The following PGCKA1 variants were observed in gnomAD, a reference collection of about 807,000 sequenced individuals.
The protein encoded by PGCKA1 is PDCD10 and GCKIII kinases associated 1.
chr4:37,558,354 A>G, the PGCKA1 span, among the ~76,000 whole-genome samples: 1 of 152,114 alleles, frequency 6.6e-6, no homozygotes, highest in Non-Finnish European at 1.5e-5. Context: ...ATTTCCAGTT[A>G]ATCTATCCCC....
the PGCKA1 span, among the ~76,000 whole-genome samples, chr4:37,493,454 T>A: frequency 6.6e-6 from 1 of 152,244 alleles, no homozygotes; most frequent in South Asian, 2.1e-4. Flanking sequence ...TGGTATCTGC[T>A]TTATCCATGG....
chr4:37,456,034 A>G, the PGCKA1 span, among the ~76,000 whole-genome samples: 148 of 152,264 alleles, frequency 9.7e-4, no homozygotes, highest in Admixed American at 5.8e-3. Context: ...ACTAGTACCT[A>G]TGTCCTGCTT....
chr4:37,463,650 T>C, the PGCKA1 span, among the ~76,000 whole-genome samples: 1 of 152,016 alleles, frequency 6.6e-6, no homozygotes, highest in Non-Finnish European at 1.5e-5. Context: ...CAGGGCTAAA[T>C]TGTGGCGCTG....
chr4:37,497,748 T>A, the PGCKA1 span, among the ~76,000 whole-genome samples: 1 of 152,166 alleles, frequency 6.6e-6, no homozygotes, highest in Non-Finnish European at 1.5e-5. Context: ...TTCTTACTGA[T>A]TTGTTTGAGT....
the PGCKA1 span, among the ~76,000 whole-genome samples, chr4:37,495,211 A>T: frequency 1.3e-5 from 2 of 152,112 alleles, no homozygotes; most frequent in Admixed American, 6.5e-5. Context: ...AATGGCGATC[A>T]TTCTTAAAAA....
chr4:37,468,030 A>G, the PGCKA1 span, among the ~76,000 whole-genome samples: 2 of 152,220 alleles, frequency 1.3e-5, no homozygotes, highest in Non-Finnish European at 1.5e-5. Context: ...ATGCTGGGGA[A>G]ATGAACTTTG....
chr4:37,589,008 T>G, the PGCKA1 span: 1 of 788,024 alleles, frequency 1.3e-6, no homozygotes, highest in African/African-American at 1.7e-5. Flanking sequence ...TGGGGCATGA[T>G]CAACATTGCC....
At chr4:37,496,785 T>C in the PGCKA1 span, among the ~76,000 whole-genome samples, 1 of 152,192 alleles carries the variant, frequency 6.6e-6, no homozygotes, top group Non-Finnish European at 1.5e-5. Flanking sequence ...AGCAGTTTTT[T>C]ATAGTTTTCA....
the PGCKA1 span, among the ~76,000 whole-genome samples, chr4:37,490,805 C>T: frequency 6.6e-6 from 1 of 152,036 alleles, no homozygotes; most frequent in Non-Finnish European, 1.5e-5. Context: ...GACTCTACTC[C>T]CAGTTACCAG....
the PGCKA1 span, among the ~76,000 whole-genome samples, chr4:37,475,210 T>G: frequency 6.6e-6 from 1 of 152,208 alleles, no homozygotes; most frequent in Non-Finnish European, 1.5e-5. Context: ...GAGTGCCTTT[T>G]AAGAAATAAA....
chr4:37,513,086 T>C, the PGCKA1 span, among the ~76,000 whole-genome samples: 1 of 98,442 alleles, frequency 1.0e-5, no homozygotes, highest in African/African-American at 4.5e-5. Context: ...TGAAATGCCA[T>C]CTCAAAAAAA....
At chr4:37,561,222 G>C in the PGCKA1 span, among the ~76,000 whole-genome samples, 1 of 152,060 alleles carries the variant, frequency 6.6e-6, no homozygotes, top group Non-Finnish European at 1.5e-5. Context: ...CTTCCTCTCT[G>C]AGCATTCTTC....
chr4:37,506,276 A>G, the PGCKA1 span, among the ~76,000 whole-genome samples: 2 of 151,300 alleles, frequency 1.3e-5, no homozygotes, highest in Admixed American at 1.3e-4. Context: ...CTTCAACTTC[A>G]TTTATTTCTG....
chr4:37,509,157 A>G, the PGCKA1 span, among the ~76,000 whole-genome samples: 1 of 150,358 alleles, frequency 6.7e-6, no homozygotes, highest in Non-Finnish European at 1.5e-5. Context: ...CAAAACTGCC[A>G]TCGTCATCAT....
chr4:37,572,893 A>AT, the PGCKA1 span, among the ~76,000 whole-genome samples: 1,250 of 152,260 alleles, frequency 8.2e-3, 20 homozygotes, highest in African/African-American at 0.028. Flanking sequence ...TGGATTTTGG[A>AT]TTTTTGGATT....
chr4:37,561,093 T>C, the PGCKA1 span, among the ~76,000 whole-genome samples: 1 of 152,098 alleles, frequency 6.6e-6, no homozygotes, highest in East Asian at 1.9e-4. Context: ...ACCAACAACC[T>C]CCTTGATATG....
At chr4:37,584,977 C>T in the PGCKA1 span, among the ~76,000 whole-genome samples, 1 of 142,656 alleles carries the variant, frequency 7.0e-6, no homozygotes, top group Non-Finnish European at 1.5e-5. Flanking sequence ...TCAAACAGTT[C>T]TAAGCTCTTT....
chr4:37,564,583 T>C, the PGCKA1 span, among the ~76,000 whole-genome samples: 2 of 152,098 alleles, frequency 1.3e-5, no homozygotes, highest in African/African-American at 4.8e-5. Flanking sequence ...CTTGGCTCAC[T>C]GTAACCTCCG....
chr4:37,505,302 T>C, the PGCKA1 span, among the ~76,000 whole-genome samples: 8 of 152,340 alleles, frequency 5.3e-5, no homozygotes, highest in African/African-American at 1.4e-4. Context: ...TAATGTGTTG[T>C]TGAATTTGGT....
Sources: allele counts gnomAD v4.1 joint callset (sites outside exome capture counted in the v4.1 genomes callset), GRCh38; gene constraint gnomAD v4.1.1; transcripts MANE v1.5; gene names NCBI Gene and HGNC (gene_info 2026-07-23, HGNC 2026-07-21).